FBXO16: variants seen among roughly 807,000 people sequenced by gnomAD.
The protein encoded by FBXO16 is F-box protein 16, also known as F-box only protein 16.
In FBXO16, 31 loss-of-function variants were observed where a neutral mutation model predicts 41.0. That is an observed-to-expected ratio of 0.76 (90% CI 0.57 to 1.02). FBXO16 has a LOEUF of 1.02. Among genes scored for constraint, FBXO16 ranks in the 50% least tolerant of loss-of-function variants. FBXO16 has a pLI of 0.00. For synonymous variants in FBXO16, 133 were observed against 117.8 expected, an observed-to-expected ratio of 1.13 and a Z score of -0.84; for missense variants, 361 against 346.2, an observed-to-expected ratio of 1.04 and a Z score of -0.34.
chr8:28,435,618 G>A (rs148282062), intron 7 of FBXO16, among the ~76,000 whole-genome samples: 2 of 152,228 alleles, frequency 1.3e-5, no homozygotes, highest in African/African-American at 2.4e-5. Context: ...CTCAGAATGG[G>A]GAGTGCATGC....
In FBXO16 at chr8:28,437,162, G is replaced by T. The variant is rs76827238; in HGVS notation, c.844-7759C>A. Among the ~76,000 whole-genome samples the T allele has an allele frequency of 3.9e-3, 594 of 152,304 alleles. 4 individuals are homozygous for T. Among genetic ancestry groups the T allele is most frequent in the African/African-American group, 0.014 (572 of 41,554 alleles). On this transcript the variant is annotated intron_variant, in intron 7 of 8. Coordinates refer to ENST00000380254, the MANE Select transcript of FBXO16 (RefSeq NM_172366.4). ...AAATCACAAACACAGTTCTCTTCTG[G>T]TAGGTCCTGAATAGAAGTTAATTTG...
At chr8:28,447,779 C>T (rs903655866) in intron 6 of FBXO16, among the ~76,000 whole-genome samples, 80 of 152,054 alleles carry the variant, frequency 5.3e-4, no homozygotes, top group Non-Finnish European at 3.4e-4. Flanking sequence ...CATGGTGAAA[C>T]CCCATCTCTA....
chr8:28,449,981 A>G (rs1031628893), intron 6 of FBXO16, among the ~76,000 whole-genome samples: 2,085 of 124,040 alleles, frequency 0.017, 16 homozygotes, highest in Non-Finnish European at 0.026. Context: ...AAAAAAAAAG[A>G]AAAAAAAAAA....
chr8:28,459,293 T>C (rs1315114676), intron 4 of FBXO16, among the ~76,000 whole-genome samples: 1 of 152,142 alleles, frequency 6.6e-6, no homozygotes, highest in African/African-American at 2.4e-5. Flanking sequence ...ATCTCTGTTC[T>C]TCCAAAACAT....
In FBXO16 at chr8:28,452,537, A is replaced by G. The variant is rs566672358; in HGVS notation, c.508-61T>C. The G allele has an allele frequency of 5.2e-6, 8 of 1,531,522 alleles. No individual in the cohort carries two copies. In the South Asian group the frequency reaches 9.5e-5, roughly 18 times the overall value. 94.9% of individuals were successfully genotyped at this position (1,531,522 alleles called of 1,614,324 possible). A position where few individuals can be genotyped will look rare whatever the true frequency, so the allele number is the denominator to read the frequency against. ...TATAATACGCTGGGTGCGGTGGCTC[A>G]CGCCTGTAATCCCAGCACTTTGGGA... On this transcript the variant is annotated intron_variant, in intron 5 of 8. Coordinates refer to ENST00000380254, the MANE Select transcript of FBXO16 (RefSeq NM_172366.4).
At position 28,481,090 on chromosome 8, in the gene FBXO16, G is replaced by A. The variant is rs143269573; in HGVS notation, c.99+2258C>T. On this transcript the variant is annotated intron_variant, in intron 2 of 8. Transcript: ENST00000380254. ...CCGGGCCTGGGCATCAGATGTGAGG[G>A]AGCAGTGGCAGGGGTGGAGCCGGGA... Among the ~76,000 whole-genome samples, 30 of 152,318 alleles carry A rather than the reference G, an allele frequency of 2.0e-4. No individual in the cohort carries two copies. In the East Asian group the frequency reaches 3.9e-3, roughly 20 times the overall value.
chr8:28,440,987 T>G (rs887755466), intron 7 of FBXO16, among the ~76,000 whole-genome samples: 5 of 152,218 alleles, frequency 3.3e-5, no homozygotes, highest in African/African-American at 1.2e-4. Context: ...GCCCATCTCC[T>G]TGTTTTCTGT....
intron 4 of FBXO16, among the ~76,000 whole-genome samples, chr8:28,460,348 TAAGC>T (rs113721579): frequency 0.32 from 41,543 of 131,546 alleles, 6,787 homozygotes; most frequent in East Asian, 0.5. Flanking sequence ...CCCCCAGCCT[TAAGC>T]AAGCAATCTT....
At chr8:28,484,516 C>A (rs1563371762) in intron 1 of FBXO16, among the ~76,000 whole-genome samples, 1 of 152,242 alleles carries the variant, frequency 6.6e-6, no homozygotes, top group East Asian at 1.9e-4. Flanking sequence ...CCTTCCCCAG[C>A]CAAGAGATGG....
intron 8 of FBXO16, 89 bp from the exon 9 acceptor site, chr8:28,428,825 G>T: frequency 1.5e-6 from 2 of 1,376,882 alleles, no homozygotes; most frequent in South Asian, 1.6e-5. Flanking sequence ...GACATAAAAC[G>T]ATTTTACAAA....
intron 4 of FBXO16, among the ~76,000 whole-genome samples, chr8:28,459,581 T>G: frequency 6.8e-6 from 1 of 147,540 alleles, no homozygotes; most frequent in Non-Finnish European, 1.5e-5. Context: ...GATCGAGCCA[T>G]TGCACTCCAG....
chr8:28,480,247 CT>C (rs1306605725), intron 2 of FBXO16, among the ~76,000 whole-genome samples: 1 of 152,038 alleles, frequency 6.6e-6, no homozygotes, highest in Non-Finnish European at 1.5e-5. Flanking sequence ...TACCTTGGCC[CT>C]TCTGTTCCTC....
chr8:28,459,085 C>T (rs1204869616), intron 4 of FBXO16, among the ~76,000 whole-genome samples: 1 of 152,144 alleles, frequency 6.6e-6, no homozygotes, highest in Non-Finnish European at 1.5e-5. Flanking sequence ...TAACATTTCC[C>T]TCTAATAATA....
intron 7 of FBXO16, among the ~76,000 whole-genome samples, chr8:28,440,848 C>G (rs775033439): frequency 5.9e-5 from 9 of 152,102 alleles, no homozygotes; most frequent in Non-Finnish European, 1.3e-4. Flanking sequence ...ACATCTAACT[C>G]CCAAGTAAAA....
chr8:28,463,391 TG>T (rs1311389125), intron 4 of FBXO16, among the ~76,000 whole-genome samples: 18 of 86,198 alleles, frequency 2.1e-4, no homozygotes, highest in East Asian at 8.3e-4. Context: ...TGTGTGTTTG[TG>T]TTTGTATGTA....
At chr8:28,481,817 A>AG (rs1405136511) in intron 2 of FBXO16, among the ~76,000 whole-genome samples, 1 of 150,692 alleles carries the variant, frequency 6.6e-6, no homozygotes, top group East Asian at 2.0e-4. Flanking sequence ...TCAGGAAAAA[A>AG]AAAAAAAAAA....
chr8:28,488,808 C>T (rs941676296), intron 1 of FBXO16, among the ~76,000 whole-genome samples: 6 of 152,086 alleles, frequency 3.9e-5, no homozygotes, highest in African/African-American at 1.2e-4. Context: ...CAGACTTCCT[C>T]GCGTGGAAGT....
At position 28,447,634 on chromosome 8, in the gene FBXO16, T is replaced by C. The variant is rs147317117; in HGVS notation, c.741-361A>G. The C allele has an allele frequency of 3.9e-3, 751 of 192,152 alleles. 10 individuals are homozygous for C. The highest frequency in any genetic ancestry group is 0.016 in the African/African-American group (704 of 42,948). 11.9% of individuals were successfully genotyped at this position (192,152 alleles called of 1,614,324 possible). ...GATCTCTGCCTCTATATATTGTGCA[T>C]ATGTATTTACTTGTACTTTTTAAAA... On this transcript the variant is annotated intron_variant, in intron 6 of 8. Transcript: ENST00000380254.
chr8:28,452,489 A>T lies in FBXO16; in HGVS notation c.508-13T>A, dbSNP rs1410905161. On this transcript the variant is annotated splice_polypyrimidine_tract_variant and intron_variant, in intron 5 of 8. Transcript: ENST00000380254. The stretch of plus-strand genomic sequence containing the variant: ...CCTTTGGGGGTGTCTAGAAGAAGAA[A>T]GTTAATTATGTTCTCAAAACACTAT... 1 of 1,612,298 alleles carries T rather than the reference A, an allele frequency of 6.2e-7. No homozygotes were observed. Among genetic ancestry groups the T allele is most frequent in the Non-Finnish European group, 8.5e-7 (1 of 1,179,384 alleles).
Sources: allele counts gnomAD v4.1 joint callset (sites outside exome capture counted in the v4.1 genomes callset), GRCh38; gene constraint gnomAD v4.1.1; transcripts MANE v1.5; gene names NCBI Gene and HGNC (gene_info 2026-07-23, HGNC 2026-07-21).